The following GPRC5D variants were observed in gnomAD, a reference collection of about 807,000 sequenced individuals.
The protein encoded by GPRC5D is G protein-coupled receptor class C group 5 member D, also known as G protein-coupled receptor family C group 5 member D.
Under a neutral mutation model 29.3 loss-of-function variants are expected in GPRC5D, and 20 were observed. The observed-to-expected ratio is 0.68, with a 90% CI of 0.48 to 0.99. GPRC5D has a LOEUF of 0.99. GPRC5D is among the 50% of genes least tolerant of loss of function. The probability of loss-of-function intolerance (pLI) is 0.00; values close to 1 mark genes in which losing one functional copy is unlikely to be tolerated. For missense variants in GPRC5D, 384 were observed against 423.6 expected (o/e 0.91, Z 0.82); for synonymous variants, 178 against 171.3 (o/e 1.04, Z -0.30).
At chr12:12,944,842 CTTCCTTCCTTCT>C (rs1565477352) in intron 1 of GPRC5D, among the ~76,000 whole-genome samples, 14 of 24,672 alleles carry the variant, frequency 5.7e-4, no homozygotes, top group African/African-American at 1.2e-3. Flanking sequence ...TCCTTCCTTC[CTTCCTTCCTTCT>C]TTCTTTCTTT....
chr12:12,950,072 A>G, exon 1 of GPRC5D: 1 of 1,614,082 alleles, frequency 6.2e-7, no homozygotes, highest in Non-Finnish European at 8.5e-7. Flanking sequence ...AAGAGGCATG[A>G]GAAACAGAGA....
At chr12:12,940,819 G>A (rs1169054641) in exon 3 of GPRC5D, 3 of 1,606,840 alleles carry the variant, frequency 1.9e-6, no homozygotes, top group East Asian at 4.5e-5. Flanking sequence ...TTAGCCTGTG[G>A]GATGAAACAC....
At chr12:12,944,811 TTCCTTCCTTCCTTCC>T (rs1565477049) in intron 1 of GPRC5D, among the ~76,000 whole-genome samples, 11 of 14,704 alleles carry the variant, frequency 7.5e-4, no homozygotes, top group African/African-American at 1.8e-3. Flanking sequence ...CCTTCCTTCC[TTCCTTCCTTCCTTCC>T]TTCCTTCCTT....
At chr12:12,944,040 G>C (rs1316656147) in intron 1 of GPRC5D, among the ~76,000 whole-genome samples, 1 of 152,114 alleles carries the variant, frequency 6.6e-6, no homozygotes, top group Non-Finnish European at 1.5e-5. Flanking sequence ...GCAGAGTCTC[G>C]GAGCCTGGGC....
At chr12:12,947,894 T>C (rs913002327) in intron 1 of GPRC5D, among the ~76,000 whole-genome samples, 7 of 152,324 alleles carry the variant, frequency 4.6e-5, no homozygotes, top group African/African-American at 1.7e-4. Context: ...TGATTTTTTT[T>C]CCACAAAATT....
chr12:12,948,781 G>T (rs1863416468), intron 1 of GPRC5D, among the ~76,000 whole-genome samples: 1 of 152,170 alleles, frequency 6.6e-6, no homozygotes, highest in African/African-American at 2.4e-5. Context: ...GTGGAGTCAG[G>T]TGGCTTGAAT....
downstream of GPRC5D, chr12:12,940,659 A>C (rs1863118241): frequency 1.6e-6 from 1 of 633,124 alleles, no homozygotes; most frequent in Admixed American, 2.3e-5. Context: ...TAGGAAACAG[A>C]AGGTGGGATG....
chr12:12,949,652 C>T, exon 1 of GPRC5D: 1 of 1,614,208 alleles, frequency 6.2e-7, no homozygotes, highest in South Asian at 1.1e-5. Context: ...GTGACCAGAG[C>T]AATGCAGACG....
At chr12:12,952,020 TC>T (rs1179263575), upstream of GPRC5D, 1 of 151,990 alleles carries the variant, frequency 6.6e-6, no homozygotes, top group African/African-American at 2.4e-5. Flanking sequence ...ACCCCTTAGC[TC>T]TACTTCCCTT....
At chr12:12,950,083 G>A in exon 1 of GPRC5D, 1 of 1,614,064 alleles carries the variant, frequency 6.2e-7, no homozygotes, top group Non-Finnish European at 8.5e-7. Context: ...GAAACAGAGA[G>A]CAAAGAGAAC....
chr12:12,944,850 C>CTTCCTTCTTTCT (rs1565477444), intron 1 of GPRC5D, among the ~76,000 whole-genome samples: 25 of 34,460 alleles, frequency 7.3e-4, no homozygotes, highest in African/African-American at 1.5e-3. Flanking sequence ...TCCTTCCTTC[C>CTTCCTTCTTTCT]TTCTTTCTTT....
intron 1 of GPRC5D, 76 bp downstream of exon 2, chr12:12,949,414 C>T (rs375106787): frequency 3.8e-5 from 49 of 1,273,166 alleles, no homozygotes; most frequent in Middle Eastern, 2.2e-4. Context: ...CCTCTTGGCT[C>T]ATCCTACTGC....
chr12:12,945,709 G>A (rs1334527975), intron 1 of GPRC5D, among the ~76,000 whole-genome samples: 1 of 152,084 alleles, frequency 6.6e-6, no homozygotes, highest in African/African-American at 2.4e-5. Context: ...ATTTTATTTT[G>A]CATTTTAATT....
At chr12:12,945,293 C>T (rs536219185) in intron 1 of GPRC5D, among the ~76,000 whole-genome samples, 1 of 152,280 alleles carries the variant, frequency 6.6e-6, no homozygotes, top group Non-Finnish European at 1.5e-5. Flanking sequence ...GCATGAGCCA[C>T]CACGCCGGGC....
intron 1 of GPRC5D, among the ~76,000 whole-genome samples, chr12:12,942,825 C>T (rs890566238): frequency 1.3e-5 from 2 of 152,130 alleles, no homozygotes; most frequent in Admixed American, 6.6e-5. Context: ...ATGTAGAAAG[C>T]GTGGGTAGCG....
At chr12:12,942,946 T>G (rs1863191698) in intron 1 of GPRC5D, among the ~76,000 whole-genome samples, 1 of 152,160 alleles carries the variant, frequency 6.6e-6, no homozygotes, top group Non-Finnish European at 1.5e-5. Context: ...TTTTCAACAG[T>G]CCCTTTAGGC....
At chr12:12,942,796 A>G (rs1863187269) in intron 1 of GPRC5D, among the ~76,000 whole-genome samples, 1 of 152,160 alleles carries the variant, frequency 6.6e-6, no homozygotes, top group Admixed American at 6.5e-5. Flanking sequence ...TATGATTTAA[A>G]GGAGTGTATT....
rs770633667 is a variant in GPRC5D at position 12,940,816 on chromosome 12, G to A, written c.997C>T (p.Gln333Ter). The A allele has an allele frequency of 1.2e-6, 2 of 1,607,932 alleles. No homozygotes were observed. The highest frequency in any genetic ancestry group is 2.2e-5 in the South Asian group (2 of 90,964). Reference sequence around the variant, plus strand: ...TCTTGCTGGGGGCTTAGTTTAGCCTGTGGGATGAAACACTCTTGTGTGGGA... The same window carrying A: ...TCTTGCTGGGGGCTTAGTTTAGCCTATGGGATGAAACACTCTTGTGTGGGA... Residue 333 changes from glutamine (Q) to a stop codon, truncating the protein, a stop_gained, in exon 3 of 3, where the codon CAG (glutamine) becomes TAG (stop). Coordinates refer to ENST00000228887, the Ensembl canonical transcript of GPRC5D. LOFTEE classifies it high-confidence loss of function.
chr12:12,943,967 G>C (rs550970095), intron 1 of GPRC5D, among the ~76,000 whole-genome samples: 1 of 152,272 alleles, frequency 6.6e-6, no homozygotes, highest in African/African-American at 2.4e-5. Flanking sequence ...GAGGTGATGA[G>C]CAGCATTTAA....
Sources: allele counts gnomAD v4.1 joint callset (sites outside exome capture counted in the v4.1 genomes callset), GRCh38; gene constraint gnomAD v4.1.1; transcripts MANE v1.5; gene names NCBI Gene and HGNC (gene_info 2026-07-23, HGNC 2026-07-21).